The following SGPP2 variants were observed in gnomAD, a reference collection of about 807,000 sequenced individuals.
SGPP2 encodes sphingosine-1-phosphate phosphatase 2.
In SGPP2, 30 loss-of-function variants were observed where a neutral mutation model predicts 33.9. The observed-to-expected ratio is 0.89, with a 90% CI of 0.66 to 1.20. SGPP2 has a LOEUF of 1.20. SGPP2 is among the 50% of genes most tolerant of loss of function. The pLI is 0.00. For synonymous variants in SGPP2, 233 were observed against 225.0 expected, an observed-to-expected ratio of 1.04 and a Z score of -0.32; for missense variants, 458 against 532.1, an observed-to-expected ratio of 0.86 and a Z score of 1.37.
chr2:222,481,943 T>C (rs568780712), intron 2 of SGPP2, among the ~76,000 whole-genome samples: 3 of 152,342 alleles, frequency 2.0e-5, no homozygotes, highest in African/African-American at 7.2e-5. Flanking sequence ...TGAACTGTTA[T>C]TATGGCTTTT....
At chr2:222,541,799 A>C (rs1385014911) in intron 4 of SGPP2, among the ~76,000 whole-genome samples, 1 of 151,928 alleles carries the variant, frequency 6.6e-6, no homozygotes, top group Non-Finnish European at 1.5e-5. Context: ...TTTTTAGTAG[A>C]GAAGGTTGGC....
intron 1 of SGPP2, among the ~76,000 whole-genome samples, chr2:222,435,024 G>GTATATATA (rs1697215896): frequency 5.4e-5 from 1 of 18,664 alleles, no homozygotes; most frequent in Non-Finnish European, 1.3e-4. Flanking sequence ...ATGTGTATAT[G>GTATATATA]TGTGTATATA....
chr2:222,463,818 A>T (rs1697701321), intron 1 of SGPP2, among the ~76,000 whole-genome samples: 1 of 152,194 alleles, frequency 6.6e-6, no homozygotes, highest in Non-Finnish European at 1.5e-5. Flanking sequence ...TCACAGAAAA[A>T]ACTTTATTTA....
At chr2:222,531,804 AATG>A (rs1427292518) in intron 4 of SGPP2, among the ~76,000 whole-genome samples, 2 of 152,140 alleles carry the variant, frequency 1.3e-5, no homozygotes, top group Non-Finnish European at 2.9e-5. Flanking sequence ...TGATTGGACT[AATG>A]ATCTGTCTTC....
intron 2 of SGPP2, chr2:222,498,510 T>C (rs1287179924): frequency 6.6e-6 from 1 of 152,102 alleles, no homozygotes; most frequent in Non-Finnish European, 1.5e-5. Context: ...CATTCATTCA[T>C]TCATTCATTC....
intron 2 of SGPP2, among the ~76,000 whole-genome samples, chr2:222,495,480 C>A (rs1027701137): frequency 2.0e-5 from 3 of 152,104 alleles, no homozygotes; most frequent in African/African-American, 7.2e-5. Flanking sequence ...TTTTCTCCTG[C>A]AAATGAAAAA....
chr2:222,526,418 C>T (rs745473419), intron 4 of SGPP2, among the ~76,000 whole-genome samples: 12 of 152,322 alleles, frequency 7.9e-5, no homozygotes, highest in African/African-American at 2.6e-4. Context: ...CATCCCACGT[C>T]ACACCACACT....
Position 222,424,827 on chromosome 2 carries a change from C to A in SGPP2, c.219+6C>A. 1.5e-6 allele frequency: 2 copies of A among 1,352,916 alleles called. No individual in the cohort carries two copies. The highest frequency in any genetic ancestry group is 1.8e-5 in the South Asian group (1 of 55,838). The allele number at this position is 1,352,916 out of a possible 1,614,324, so 83.8% of individuals were successfully genotyped here. A position where few individuals can be genotyped will look rare whatever the true frequency, so the allele number is the denominator to read the frequency against. ...GCAGAGCCGCGGCGCCGGAGGTAACCATGGGCAGGTGTTCGCCGGGTACGG... is the reference window on the plus strand; with the variant it reads ...GCAGAGCCGCGGCGCCGGAGGTAACAATGGGCAGGTGTTCGCCGGGTACGG... On this transcript the variant is annotated splice_donor_region_variant and intron_variant, in intron 1 of 4. Transcript: ENST00000321276.
In SGPP2 at chr2:222,531,779, G is replaced by A. The variant is rs149017871; in HGVS notation, c.648+6746G>A. Among the ~76,000 whole-genome samples the A allele has an allele frequency of 7.9e-5, 12 of 152,156 alleles. No homozygotes were observed. The East Asian group carries it at 1.9e-3, about 24-fold the overall frequency. ...CCCCCGTTGATTTTAATGTGCAACCGGGGTTGAGAGTCATTGATTGGACTA... is the reference window on the plus strand; with the variant it reads ...CCCCCGTTGATTTTAATGTGCAACCAGGGTTGAGAGTCATTGATTGGACTA... On this transcript the variant is annotated intron_variant, in intron 4 of 4. Coordinates refer to ENST00000321276, the MANE Select transcript of SGPP2 (RefSeq NM_152386.4).
At chr2:222,448,895 T>C (rs1344859347) in intron 1 of SGPP2, among the ~76,000 whole-genome samples, 1 of 152,196 alleles carries the variant, frequency 6.6e-6, no homozygotes, top group Non-Finnish European at 1.5e-5. Flanking sequence ...AGTCATCCAG[T>C]TGACAAAGGA....
At chr2:222,470,980 T>C (rs1697830178) in intron 1 of SGPP2, among the ~76,000 whole-genome samples, 1 of 152,242 alleles carries the variant, frequency 6.6e-6, no homozygotes, top group African/African-American at 2.4e-5. Context: ...TGTCCTTGTT[T>C]TGCAAATGCA....
Position 222,432,474 on chromosome 2 carries a change from A to G in SGPP2, c.219+7653A>G, listed in dbSNP as rs551200551. On this transcript the variant is annotated intron_variant, in intron 1 of 4. Transcript: ENST00000321276. ...GCCCTGGAGTGAAAGGCAGCCTTCT[A>G]TAGGCTGGTCAGCATTTTATGACAT... Among the ~76,000 whole-genome samples, 4 of 152,346 alleles carry G rather than the reference A, an allele frequency of 2.6e-5. No homozygotes were observed. The South Asian group carries it at 6.2e-4, about 24-fold the overall frequency.
chr2:222,487,849 C>T (rs548185905), intron 2 of SGPP2, among the ~76,000 whole-genome samples: 8 of 152,246 alleles, frequency 5.3e-5, no homozygotes, highest in African/African-American at 1.7e-4. Flanking sequence ...ACTTAACACC[C>T]ACCTCCCTTC....
At chr2:222,445,594 C>A (rs925726350) in intron 1 of SGPP2, among the ~76,000 whole-genome samples, 5 of 152,108 alleles carry the variant, frequency 3.3e-5, no homozygotes, top group Admixed American at 2.6e-4. Context: ...ACTAGGATGA[C>A]CCCGTCTAAT....
chr2:222,527,381 C>T (rs1698775144), intron 4 of SGPP2, among the ~76,000 whole-genome samples: 1 of 152,186 alleles, frequency 6.6e-6, no homozygotes, highest in South Asian at 2.1e-4. Context: ...CTGGATGTCA[C>T]ACTATGTTCA....
intron 1 of SGPP2, among the ~76,000 whole-genome samples, chr2:222,427,478 A>G (rs1169135234): frequency 6.6e-6 from 1 of 152,068 alleles, no homozygotes; most frequent in Non-Finnish European, 1.5e-5. Flanking sequence ...GGGTCTCACT[A>G]TGTTGCCAAG....
intron 4 of SGPP2, among the ~76,000 whole-genome samples, chr2:222,531,522 G>A (rs1285339866): frequency 1.3e-5 from 2 of 152,204 alleles, no homozygotes; most frequent in African/African-American, 4.8e-5. Flanking sequence ...AGCTGTCAGG[G>A]AGACAGGGAG....
intron 1 of SGPP2, among the ~76,000 whole-genome samples, chr2:222,447,343 GC>G (rs1697413149): frequency 6.6e-6 from 1 of 152,182 alleles, no homozygotes; most frequent in Non-Finnish European, 1.5e-5. Context: ...AAGTTGAATT[GC>G]CAGACTGACT....
Position 222,524,932 on chromosome 2 carries a change from CT to C in SGPP2, c.559-10del, listed in dbSNP as rs757682779. ...TGATCTAATTCCCTTGTTTTTTCTC[CT>C]TCCCCCACAGTATCCATTTGTGTTG... On this transcript the variant is annotated splice_polypyrimidine_tract_variant and intron_variant, in intron 3 of 4. Coordinates refer to ENST00000321276, the MANE Select transcript of SGPP2 (RefSeq NM_152386.4). 9.9e-6 allele frequency: 16 copies of C among 1,609,434 alleles called. No homozygotes were observed. The African/African-American group carries it at 2.1e-4, about 22-fold the overall frequency.
Sources: gnomAD v4.1 joint callset for allele counts (sites outside exome capture counted in the v4.1 genomes callset) on GRCh38, gnomAD v4.1.1 for gene constraint, MANE v1.5 for transcripts, NCBI Gene and HGNC (gene_info 2026-07-23, HGNC 2026-07-21) for gene names.